The following PCDHA4 variants were observed in gnomAD, a reference collection of about 807,000 sequenced individuals.
PCDHA4 encodes protocadherin alpha-4.
In PCDHA4, 49 loss-of-function variants were observed where a neutral mutation model predicts 61.4. That is an observed-to-expected ratio of 0.80 (90% CI 0.63 to 1.01). The LOEUF (loss-of-function observed/expected upper bound fraction) is 1.01. PCDHA4 is among the 50% of genes least tolerant of loss of function. The pLI, the probability that PCDHA4 is intolerant of heterozygous loss-of-function variation, is 0.00. For missense variants in PCDHA4, 1,254 were observed against 1,235.8 expected, an observed-to-expected ratio of 1.01 and a Z score of -0.22; for synonymous variants, 590 against 550.3, an observed-to-expected ratio of 1.07 and a Z score of -1.01.
intron 1 of PCDHA4, among the ~76,000 whole-genome samples, chr5:140,923,304 G>A (rs933906504): frequency 6.6e-6 from 1 of 152,172 alleles, no homozygotes; most frequent in African/African-American, 2.4e-5. Context: ...TGGGCGTGGG[G>A]GCGCTTGGCC....
At chr5:140,841,306 GAAACGACT>G in intron 1 of PCDHA4, 2 of 1,580,012 alleles carry the variant, frequency 1.3e-6, no homozygotes, top group Non-Finnish European at 1.7e-6. Flanking sequence ...TTTCTGATAG[GAAACGACT>G]ATTTAACATG....
At chr5:140,870,990 G>A (rs781832962) in intron 1 of PCDHA4, 2 of 1,613,518 alleles carry the variant, frequency 1.2e-6, no homozygotes, top group South Asian at 1.1e-5. Context: ...ACACGGGCGA[G>A]ATAAGCACAA....
At chr5:140,843,145 G>C in intron 1 of PCDHA4, 1 of 1,596,072 alleles carries the variant, frequency 6.3e-7, no homozygotes, top group South Asian at 1.1e-5. Context: ...CGTGGCTTTC[G>C]TATGAGCTGC....
Position 140,823,081 on chromosome 5 carries a change from G to A in PCDHA4, c.2385+13509G>A, listed in dbSNP as rs2150122016. On this transcript the variant is annotated intron_variant, in intron 1 of 3. Transcript: ENST00000530339. ...GGACGGGGGCTCGCCTTCGCTGTGG[G>A]CCACCGCCAGCGTGTCTGTGGAAGT... 282 of 1,613,818 alleles carry A rather than the reference G, an allele frequency of 1.7e-4. 1 individual carries two copies. The highest frequency in any genetic ancestry group is 2.2e-4 in the Non-Finnish European group (265 of 1,180,014).
chr5:140,862,412 G>C (rs536653894), intron 1 of PCDHA4: 92 of 349,964 alleles, frequency 2.6e-4, no homozygotes, highest in Middle Eastern at 1.0e-3. Flanking sequence ...ACCTTCAAAA[G>C]GCGCTGCCCA....
At chr5:140,842,470 G>A (rs782055761) in intron 1 of PCDHA4, 2 of 1,613,802 alleles carry the variant, frequency 1.2e-6, no homozygotes, top group South Asian at 1.1e-5. Context: ...GTGCCAACGG[G>A]CAGGTGACCT....
At chr5:140,922,241 G>A (rs1314775680) in intron 1 of PCDHA4, among the ~76,000 whole-genome samples, 1 of 152,192 alleles carries the variant, frequency 6.6e-6, no homozygotes, top group Non-Finnish European at 1.5e-5. Context: ...TGATGTGTAT[G>A]AAGATAAGTT....
At chr5:141,002,020 T>A (rs1380012353) in intron 3 of PCDHA4, among the ~76,000 whole-genome samples, 4 of 152,166 alleles carry the variant, frequency 2.6e-5, no homozygotes, top group Admixed American at 6.5e-5. Flanking sequence ...TGCACAGCCT[T>A]CGGTGCCCTG....
Position 140,807,876 on chromosome 5 carries a change from T to A in PCDHA4, c.689T>A (p.Ile230Asn), listed in dbSNP as rs781990148. 1.9e-6 allele frequency: 3 copies of A among 1,614,154 alleles called. No individual in the cohort carries two copies. In the South Asian group the frequency reaches 3.3e-5, roughly 18 times the overall value. The change falls in exon 1 of 4, where the codon ATC becomes AAC. Residue 230 changes from isoleucine (I) to asparagine (N), a missense_variant. Transcript: ENST00000530339. ...TTGACTGGCACCGTTCAGTTACTCA[T>A]CACAGTACTGGATGCCAATGACAAT... ...PELTGTVQLLITVLDANDNAP... is the reference protein window; with the variant it reads ...PELTGTVQLLNTVLDANDNAP...
chr5:141,007,653 C>T (rs373127730), intron 3 of PCDHA4, among the ~76,000 whole-genome samples: 1 of 152,126 alleles, frequency 6.6e-6, no homozygotes, highest in African/African-American at 2.4e-5. Context: ...GCCTAAAAAA[C>T]CATAAATTTA....
At chr5:140,890,902 G>A (rs781819787) in intron 1 of PCDHA4, among the ~76,000 whole-genome samples, 16 of 152,080 alleles carry the variant, frequency 1.1e-4, no homozygotes, top group Non-Finnish European at 1.5e-4. Context: ...GTCTTTCCAT[G>A]TTAGAATAAT....
In PCDHA4 at chr5:140,855,898, G is replaced by C; in HGVS notation, c.2385+46326G>C. On this transcript the variant is annotated intron_variant, in intron 1 of 3. Transcript: ENST00000530339. ...ATAGCTTTTTAGAACAAAGGCATCA[G>C]CCAGTTTCTCAAGGACTAGGAAGTA... is the stretch of plus-strand genomic sequence containing the variant. 1.9e-6 allele frequency: 2 copies of C among 1,070,112 alleles called. 1 individual carries two copies. The highest frequency in any genetic ancestry group is 2.7e-6 in the Non-Finnish European group (2 of 750,306). The allele number at this position is 1,070,112 out of a possible 1,614,324, so 66.3% of individuals were successfully genotyped here.
intron 1 of PCDHA4, chr5:140,882,678 A>G: frequency 6.2e-7 from 1 of 1,614,250 alleles, no homozygotes; most frequent in East Asian, 2.2e-5. Flanking sequence ...CCTGAAAGCA[A>G]GAAACGAATA....
In PCDHA4 at chr5:140,914,736, T is replaced by C. The variant is rs76155363; in HGVS notation, c.2386-64213T>C. Among the ~76,000 whole-genome samples, 1,216 of 152,300 alleles carry C rather than the reference T, an allele frequency of 8.0e-3. 6 individuals are homozygous for C. Among genetic ancestry groups the C allele is most frequent in the African/African-American group, 0.019 (785 of 41,570 alleles). On this transcript the variant is annotated intron_variant, in intron 1 of 3. Transcript: ENST00000530339. ...TTTTTTATTTTTTGTGTATCCATTG[T>C]ATGTTTTTCCATTTGAGGTTACATG...
intron 1 of PCDHA4, among the ~76,000 whole-genome samples, chr5:140,940,999 A>C (rs2092715324): frequency 1.3e-5 from 2 of 152,264 alleles, no homozygotes; most frequent in Admixed American, 1.3e-4. Context: ...TATAGGATTA[A>C]ATTTTCCTTT....
intron 1 of PCDHA4, chr5:140,871,565 G>A: frequency 3.4e-6 from 5 of 1,483,114 alleles, no homozygotes; most frequent in South Asian, 1.4e-5. Context: ...TTTTTTTCAC[G>A]GATTTTTTAA....
intron 1 of PCDHA4, chr5:140,834,783 C>G (rs2150226514): frequency 3.1e-6 from 5 of 1,613,810 alleles, no homozygotes; most frequent in Non-Finnish European, 4.2e-6. Flanking sequence ...TCCGGTGTTC[C>G]CAGCGACACA....
At chr5:140,928,836 C>T (rs1554206380) in intron 1 of PCDHA4, 1 of 1,614,168 alleles carries the variant, frequency 6.2e-7, no homozygotes. Context: ...CACTTTCCTC[C>T]TCTGTCACTC....
At position 140,809,400 on chromosome 5, in the gene PCDHA4, C is replaced by A. The variant is rs781909645; in HGVS notation, c.2213C>A (p.Thr738Lys). ...GGCGCGTGCGCTCCGGGCAAGCCCA[C>A]GCTGGTGTGCTCCAGTGCGGTGGGG... ...TEGACAPGKP[T>K]LVCSSAVGSW... The change falls in exon 1 of 4, where the codon ACG (threonine) becomes AAG (lysine). Residue 738 changes from threonine (T) to lysine (K), a missense_variant. Physicochemically the swap from Thr to Lys is moderately conservative, Grantham distance 78. Coordinates refer to ENST00000530339, the MANE Select transcript of PCDHA4 (RefSeq NM_018907.4). 2 of 1,614,032 alleles carry A rather than the reference C, an allele frequency of 1.2e-6. No individual in the cohort carries two copies. Among genetic ancestry groups the A allele is most frequent in the Admixed American group, 1.7e-5 (1 of 60,010 alleles).
Sources: allele counts gnomAD v4.1 joint callset (sites outside exome capture counted in the v4.1 genomes callset), GRCh38; gene constraint gnomAD v4.1.1; transcripts MANE v1.5; gene names NCBI Gene and HGNC (gene_info 2026-07-23, HGNC 2026-07-21).